The following SP100 variants were observed in gnomAD, a reference collection of about 807,000 sequenced individuals.
SP100 encodes nuclear autoantigen Sp-100.
A neutral mutation model predicts 130.0 loss-of-function variants in SP100; 84 were observed. The observed-to-expected ratio is 0.65, with a 90% CI of 0.54 to 0.77. SP100 has a LOEUF of 0.77. Ranked by LOEUF, SP100 falls within the 30% of genes least tolerant of loss-of-function variation. The pLI is 0.00. For missense variants in SP100, 978 were observed against 1,052.2 expected, an observed-to-expected ratio of 0.93 and a Z score of 0.97; for synonymous variants, 331 against 351.7, an observed-to-expected ratio of 0.94 and a Z score of 0.66.
intron 15 of SP100, among the ~76,000 whole-genome samples, chr2:230,472,427 CA>C (rs201703163): frequency 0.063 from 3,842 of 60,668 alleles, 39 homozygotes; most frequent in African/African-American, 0.2. Context: ...GACTCCGTCT[CA>C]AAAAAAAAAA....
At chr2:230,462,369 T>C in intron 9 of SP100, 66 bp from the exon 10 acceptor site, 3 of 1,280,186 alleles carry the variant, frequency 2.3e-6, no homozygotes, top group Non-Finnish European at 3.4e-6. Context: ...CATTGTGGAA[T>C]TTCCTGGTGC....
intron 10 of SP100, among the ~76,000 whole-genome samples, chr2:230,462,907 G>C (rs17333482): frequency 0.24 from 36,765 of 152,126 alleles, 5,095 homozygotes; most frequent in Non-Finnish European, 0.32. Context: ...ATGGGAAGAT[G>C]TTATTGTCAT....
chr2:230,462,317 G>A (rs1367007733), intron 9 of SP100, 118 bp from the exon 10 acceptor site: 1 of 707,040 alleles, frequency 1.4e-6, no homozygotes, highest in Non-Finnish European at 2.5e-6. Context: ...AACACCCCAG[G>A]GTCTTGAGTT....
chr2:230,449,427 G>T, intron 6 of SP100, 134 bp from the exon 7 acceptor site: 1 of 981,028 alleles, frequency 1.0e-6, no homozygotes, highest in Non-Finnish European at 1.6e-6. Context: ...TTTTCTGCCT[G>T]CATCTGCTTG....
At chr2:230,539,208 C>T in intron 24 of SP100, 59 bp from the exon 25 acceptor site, 1 of 1,039,036 alleles carries the variant, frequency 9.6e-7, no homozygotes, top group South Asian at 1.3e-5. Flanking sequence ...AAAAAGGTCA[C>T]ATATTCTAGG....
intron 2 of SP100, among the ~76,000 whole-genome samples, chr2:230,419,394 C>T (rs546763436): frequency 6.9e-4 from 105 of 152,256 alleles, no homozygotes; most frequent in African/African-American, 2.5e-3. Flanking sequence ...GCCCATGAGT[C>T]GCTGAGTAGC....
At chr2:230,511,282 T>C in intron 24 of SP100, 116 bp downstream of exon 24, 1 of 798,562 alleles carries the variant, frequency 1.3e-6, no homozygotes, top group South Asian at 1.4e-5. Context: ...TATGTTGCTG[T>C]GTGTGATTAG....
chr2:230,500,192 T>A lies in SP100; in HGVS notation c.1720+1657T>A, dbSNP rs575067319. 2.0e-5 allele frequency among the ~76,000 whole-genome samples: 3 copies of A among 152,342 alleles called. No homozygotes were observed. In the East Asian group the frequency reaches 5.8e-4, roughly 29 times the overall value. ...ATTTTTTCTGACCATATTATTATTTTACATGGTTAATGTAGAATTAAAACT... is the reference window on the plus strand; with the variant it reads ...ATTTTTTCTGACCATATTATTATTTAACATGGTTAATGTAGAATTAAAACT... On this transcript the variant is annotated intron_variant, in intron 19 of 28. Transcript: ENST00000340126.
In SP100 at chr2:230,467,178, C is replaced by T. The variant is rs754415406; in HGVS notation, c.1254C>T (p.Ala418=). 82 of 1,613,970 alleles carry T rather than the reference C, an allele frequency of 5.1e-5. No individual in the cohort carries two copies. Among genetic ancestry groups the T allele is most frequent in the Non-Finnish European group, 6.9e-5 (81 of 1,179,862 alleles). Residue 418 remains alanine (A), a synonymous_variant, in exon 13 of 29, where the codon GCC becomes GCT. Transcript: ENST00000340126. ...GTGAGGAGGAGGCGCCCGCAGAAGC[C>T]TCGAGCGGGGCACTGAGAAGCAAGC... ...ESSEEEAPAE[A]SSGALRSKHG... is the part of the protein sequence containing the mutation.
At chr2:230,436,716 T>C (rs1285066016) in intron 2 of SP100, among the ~76,000 whole-genome samples, 1 of 152,182 alleles carries the variant, frequency 6.6e-6, no homozygotes, top group Non-Finnish European at 1.5e-5. Flanking sequence ...CTTTTTCTAG[T>C]TCTTATGAAT....
At chr2:230,483,920 T>C (rs1452344649) in intron 17 of SP100, among the ~76,000 whole-genome samples, 1 of 152,238 alleles carries the variant, frequency 6.6e-6, no homozygotes, top group Non-Finnish European at 1.5e-5. Flanking sequence ...GTTTTATATG[T>C]GTTTCTGTAT....
Position 230,540,792 on chromosome 2 carries a change from C to A in SP100, c.2211-84C>A. 1.3e-6 allele frequency: 2 copies of A among 1,518,860 alleles called. 1 individual carries two copies. The highest frequency in any genetic ancestry group is 2.7e-5 in the South Asian group (2 of 75,414). The allele number at this position is 1,518,860 out of a possible 1,614,324, so 94.1% of individuals were successfully genotyped here. On this transcript the variant is annotated intron_variant, in intron 25 of 28. Transcript: ENST00000340126. ...TACAAGGTGGAAACCACTAGGCATTCTTGAGCAGAGGACTTGAACAACTGT... is the reference window on the plus strand; with the variant it reads ...TACAAGGTGGAAACCACTAGGCATTATTGAGCAGAGGACTTGAACAACTGT...
Position 230,542,140 on chromosome 2 carries a change from A to G in SP100, c.2547+105A>G. The G allele has an allele frequency of 3.3e-6, 4 of 1,206,350 alleles. No individual in the cohort carries two copies. In the South Asian group the frequency reaches 5.1e-5, roughly 15 times the overall value. 74.7% of individuals were successfully genotyped at this position (1,206,350 alleles called of 1,614,324 possible). On this transcript the variant is annotated intron_variant, in intron 28 of 28. Transcript: ENST00000340126. ...GGTAAATGTTACAATCGCCCTTATC[A>G]TATGACAAGCCCATACAAGTACAAA... is the stretch of plus-strand genomic sequence containing the variant.
chr2:230,443,422 C>A (rs1201060151), intron 3 of SP100, among the ~76,000 whole-genome samples: 1 of 152,102 alleles, frequency 6.6e-6, no homozygotes, highest in African/African-American at 2.4e-5. Flanking sequence ...AATTCGTACA[C>A]TATAACATAA....
At chr2:230,455,368 C>A (rs2064221764) in intron 8 of SP100, among the ~76,000 whole-genome samples, 1 of 152,160 alleles carries the variant, frequency 6.6e-6, no homozygotes, top group Admixed American at 6.5e-5. Context: ...CTGGTTTTAT[C>A]ATGACCTTTT....
At position 230,504,223 on chromosome 2, in the gene SP100, A is replaced by G; in HGVS notation, c.1803A>G (p.Lys601=). The change falls in exon 21 of 29, where the codon AAA becomes AAG. Residue 601 remains lysine, a synonymous_variant. Coordinates refer to ENST00000340126, the MANE Select transcript of SP100 (RefSeq NM_001080391.2). ...CCAAAGATGAAAATATTAATTTTAA[A>G]CAATCTGAACTTCCTGTGACCTGTG... ...RIPKDENINF[K]QSELPVTCGE... is the part of the protein sequence containing the mutation. The G allele has an allele frequency of 6.2e-7, 1 of 1,612,894 alleles. No homozygotes were observed. Among genetic ancestry groups the G allele is most frequent in the South Asian group, 1.1e-5 (1 of 90,884 alleles).
At chr2:230,445,510 A>C (rs2063669789) in intron 4 of SP100, among the ~76,000 whole-genome samples, 1 of 152,240 alleles carries the variant, frequency 6.6e-6, no homozygotes. Flanking sequence ...CTAGGCAATC[A>C]AGAAATACTG....
In SP100 at chr2:230,466,296, T is replaced by C; in HGVS notation, c.1142-5T>C. ...AATAACGGGTTTCTCCCTTTTACTTTACAGAGCCCATGGATTTCAGAAAAT... is the reference window on the plus strand; with the variant it reads ...AATAACGGGTTTCTCCCTTTTACTTCACAGAGCCCATGGATTTCAGAAAAT... On this transcript the variant is annotated splice_region_variant and splice_polypyrimidine_tract_variant and intron_variant, in intron 11 of 28. Coordinates refer to ENST00000340126, the MANE Select transcript of SP100 (RefSeq NM_001080391.2). 6.4e-7 allele frequency: 1 copy of C among 1,562,426 alleles called. No individual in the cohort carries two copies. Among genetic ancestry groups the C allele is most frequent in the African/African-American group, 1.4e-5 (1 of 73,666 alleles).
intron 2 of SP100, among the ~76,000 whole-genome samples, chr2:230,437,607 T>C (rs1382906665): frequency 3.3e-5 from 5 of 152,120 alleles, no homozygotes; most frequent in Non-Finnish European, 5.9e-5. Flanking sequence ...TCTTGCTCTG[T>C]CACCCAGGCT....
Sources: allele counts gnomAD v4.1 joint callset (sites outside exome capture counted in the v4.1 genomes callset), GRCh38; gene constraint gnomAD v4.1.1; transcripts MANE v1.5; gene names NCBI Gene and HGNC (gene_info 2026-07-23, HGNC 2026-07-21).